The following CSMD3 variants were observed in gnomAD, a reference collection of about 807,000 sequenced individuals.
CSMD3 encodes CUB and Sushi multiple domains 3, also known as CUB and sushi domain-containing protein 3.
CSMD3 carries 177 observed loss-of-function variants against 435.2 expected under a neutral mutation model. The observed-to-expected ratio is 0.41, with a 90% CI of 0.36 to 0.46. The LOEUF (loss-of-function observed/expected upper bound fraction) is 0.46, where lower values mean the gene tolerates loss of function less well. Among genes scored for constraint, CSMD3 ranks in the 20% least tolerant of loss-of-function variants. The pLI is 0.34. For synonymous variants in CSMD3, 1,656 were observed against 1,520.5 expected (o/e 1.09, Z -2.07); for missense variants, 4,265 against 4,504.6 (o/e 0.95, Z 1.52).
intron 32 of CSMD3, among the ~76,000 whole-genome samples, chr8:112,457,284 A>G (rs1046909554): frequency 1.3e-5 from 2 of 152,038 alleles, no homozygotes; most frequent in Non-Finnish European, 2.9e-5. Flanking sequence ...CCAACACCCT[A>G]GATAGAAGTT....
chr8:112,885,897 G>T (rs1355579634), intron 10 of CSMD3, among the ~76,000 whole-genome samples: 1 of 151,598 alleles, frequency 6.6e-6, no homozygotes, highest in Non-Finnish European at 1.5e-5. Context: ...CTGGGCTGTC[G>T]AGTTACCCCA....
At chr8:112,695,461 A>G (rs1025977322) in intron 13 of CSMD3, among the ~76,000 whole-genome samples, 7 of 152,246 alleles carry the variant, frequency 4.6e-5, no homozygotes, top group Non-Finnish European at 7.3e-5. Flanking sequence ...CAGCATATAA[A>G]GAGAACCAAA....
intron 6 of CSMD3, among the ~76,000 whole-genome samples, chr8:113,004,590 T>A (rs1438473471): frequency 2.6e-5 from 4 of 151,992 alleles, no homozygotes; most frequent in Non-Finnish European, 4.4e-5. Context: ...GATGATTCCA[T>A]TTCAGAGCAT....
intron 27 of CSMD3, among the ~76,000 whole-genome samples, chr8:112,542,935 C>T (rs1423839299): frequency 1.3e-5 from 2 of 151,960 alleles, no homozygotes; most frequent in Non-Finnish European, 2.9e-5. Context: ...AGGTCCACAC[C>T]ATAAGACAGG....
At chr8:112,395,124 C>T (rs1387007821) in intron 35 of CSMD3, among the ~76,000 whole-genome samples, 14 of 152,114 alleles carry the variant, frequency 9.2e-5, no homozygotes, top group Non-Finnish European at 1.5e-5. Context: ...CTAACATTTG[C>T]ATCCTGTTTT....
intron 47 of CSMD3, among the ~76,000 whole-genome samples, chr8:112,316,641 G>T (rs11996263): frequency 0.04 from 6,060 of 151,606 alleles, 401 homozygotes; most frequent in African/African-American, 0.14. Flanking sequence ...CATTATCTCC[G>T]TTATCACAAC....
intron 22 of CSMD3, among the ~76,000 whole-genome samples, chr8:112,605,380 T>G (rs553912593): frequency 1.3e-5 from 2 of 152,280 alleles, no homozygotes; most frequent in East Asian, 3.9e-4. Flanking sequence ...TCAACCTAGA[T>G]GCCCATCAAT....
chr8:112,804,480 G>C (rs1407208948), intron 12 of CSMD3, among the ~76,000 whole-genome samples: 1 of 152,014 alleles, frequency 6.6e-6, no homozygotes, highest in Non-Finnish European at 1.5e-5. Flanking sequence ...CGGGACTGGA[G>C]AAAAGAGAAT....
intron 32 of CSMD3, among the ~76,000 whole-genome samples, chr8:112,460,842 G>T (rs901341028): frequency 6.6e-5 from 10 of 152,088 alleles, no homozygotes; most frequent in Non-Finnish European, 1.2e-4. Flanking sequence ...AAAGCCGCTA[G>T]GTTGAAATGT....
At chr8:113,041,731 T>A (rs1287419368) in intron 5 of CSMD3, among the ~76,000 whole-genome samples, 4 of 152,222 alleles carry the variant, frequency 2.6e-5, no homozygotes, top group African/African-American at 9.6e-5. Flanking sequence ...TATTGTTTCA[T>A]TGTGATTTTC....
At chr8:112,466,043 A>G (rs990022785) in intron 32 of CSMD3, among the ~76,000 whole-genome samples, 2 of 152,140 alleles carry the variant, frequency 1.3e-5, no homozygotes, top group African/African-American at 4.8e-5. Flanking sequence ...GACAAATAGT[A>G]AACGCAAGTT....
chr8:112,414,353 T>C (rs867369855), intron 32 of CSMD3, among the ~76,000 whole-genome samples: 1 of 152,144 alleles, frequency 6.6e-6, no homozygotes, highest in African/African-American at 2.4e-5. Flanking sequence ...TGAAATATGA[T>C]GGCTTTATAA....
intron 10 of CSMD3, among the ~76,000 whole-genome samples, chr8:112,893,257 T>C (rs1020167699): frequency 2.0e-5 from 3 of 151,450 alleles, no homozygotes; most frequent in Non-Finnish European, 4.4e-5. Context: ...ATAAGGAAAT[T>C]AAAGTTTTAG....
chr8:113,194,328 T>A (rs929926300), intron 3 of CSMD3, among the ~76,000 whole-genome samples: 2 of 151,260 alleles, frequency 1.3e-5, no homozygotes, highest in African/African-American at 4.8e-5. Flanking sequence ...ATCAATTGAT[T>A]TGTTTCAATT....
chr8:112,645,001 T>C (rs1424462011), intron 20 of CSMD3, 108 bp downstream of exon 20: 2 of 767,184 alleles, frequency 2.6e-6, no homozygotes, highest in Non-Finnish European at 4.8e-6. Context: ...ATTGTAGTAC[T>C]GATCTGTTTT....
intron 13 of CSMD3, among the ~76,000 whole-genome samples, chr8:112,795,210 A>T (rs186606911): frequency 1.9e-4 from 29 of 152,264 alleles, no homozygotes; most frequent in African/African-American, 7.0e-4. Context: ...AAATTCACAA[A>T]TATAATTATT....
chr8:112,462,591 T>C (rs73702880), intron 32 of CSMD3, among the ~76,000 whole-genome samples: 2,646 of 152,258 alleles, frequency 0.017, 80 homozygotes, highest in African/African-American at 0.06. Flanking sequence ...CTAGAGCATA[T>C]TATAGTGAAA....
chr8:112,631,422 A>G (rs1026992854), intron 22 of CSMD3, among the ~76,000 whole-genome samples: 1 of 152,116 alleles, frequency 6.6e-6, no homozygotes, highest in Non-Finnish European at 1.5e-5. Flanking sequence ...GTATAAAAAA[A>G]CGATAGTCTT....
intron 11 of CSMD3, among the ~76,000 whole-genome samples, chr8:112,858,307 C>A (rs1221275213): frequency 2.0e-5 from 3 of 151,590 alleles, no homozygotes; most frequent in African/African-American, 7.3e-5. Flanking sequence ...GATAAAGAAA[C>A]AACATCAGAG....
Sources: gnomAD v4.1 joint callset for allele counts (sites outside exome capture counted in the v4.1 genomes callset) on GRCh38, gnomAD v4.1.1 for gene constraint, MANE v1.5 for transcripts, NCBI Gene and HGNC (gene_info 2026-07-23, HGNC 2026-07-21) for gene names.